The following SHB variants were observed in gnomAD, a reference collection of about 807,000 sequenced individuals.
SHB encodes the protein SH2 domain-containing adapter protein B.
In SHB, 20 loss-of-function variants were observed where a neutral mutation model predicts 52.3. That is an observed-to-expected ratio of 0.38 (90% CI 0.27 to 0.56). The LOEUF (loss-of-function observed/expected upper bound fraction) is 0.56, where lower values mean the gene tolerates loss of function less well. Among genes scored for constraint, SHB ranks in the 20% least tolerant of loss-of-function variants. The pLI is 0.71. For missense variants in SHB, 825 were observed against 723.3 expected, an observed-to-expected ratio of 1.14 and a Z score of -1.61; for synonymous variants, 397 against 316.5, an observed-to-expected ratio of 1.25 and a Z score of -2.70.
At chr9:37,981,248 G>A (rs765270736) in intron 2 of SHB, among the ~76,000 whole-genome samples, 2 of 152,188 alleles carry the variant, frequency 1.3e-5, no homozygotes, top group African/African-American at 2.4e-5. Context: ...CTTCATCGAT[G>A]ACCTCAGCTA....
chr9:37,938,812 G>T (rs995461851), intron 5 of SHB, among the ~76,000 whole-genome samples: 4 of 152,240 alleles, frequency 2.6e-5, no homozygotes, highest in African/African-American at 9.6e-5. Context: ...CTGCCGGGTT[G>T]GGGGGTGGTG....
chr9:38,014,864 A>T (rs887142198), intron 2 of SHB, among the ~76,000 whole-genome samples: 1 of 152,236 alleles, frequency 6.6e-6, no homozygotes, highest in Non-Finnish European at 1.5e-5. Flanking sequence ...GACGCTGGAC[A>T]TGGACCCGGC....
At chr9:37,973,535 TATC>T (rs1382841316) in intron 3 of SHB, among the ~76,000 whole-genome samples, 3 of 152,376 alleles carry the variant, frequency 2.0e-5, no homozygotes, top group South Asian at 2.1e-4. Flanking sequence ...CTGAATTTTT[TATC>T]ATAACTTTGG....
Position 38,067,950 on chromosome 9 carries a change from G to A in SHB, c.696C>T (p.Ser232=). The A allele has an allele frequency of 6.5e-7, 1 of 1,543,992 alleles. No individual in the cohort carries two copies. Among genetic ancestry groups the A allele is most frequent in the Non-Finnish European group, 8.7e-7 (1 of 1,155,416 alleles). ...NKCAASAAEE[S]GAGKKDKVTI... ...TTACCTTGTCCTTCTTGCCGGCCCC[G>A]CTCTCCTCCGCGGCTGAGGCGGCGC... The change falls in exon 1 of 6, where the codon AGC becomes AGT. Residue 232 remains serine (S), a synonymous_variant. Coordinates refer to ENST00000377707, the MANE Select transcript of SHB (RefSeq NM_003028.3).
intron 2 of SHB, among the ~76,000 whole-genome samples, chr9:37,996,675 CCTTT>C: frequency 6.6e-6 from 1 of 152,304 alleles, no homozygotes; most frequent in Non-Finnish European, 1.5e-5. Flanking sequence ...CCAGCAATGG[CCTTT>C]CTTTCAGCTC....
chr9:38,054,787 T>G (rs1821793922), intron 1 of SHB, among the ~76,000 whole-genome samples: 1 of 152,116 alleles, frequency 6.6e-6, no homozygotes, highest in African/African-American at 2.4e-5. Flanking sequence ...AACCAACGAG[T>G]TCCTGTGAAT....
At chr9:37,938,922 G>C (rs921905739) in intron 5 of SHB, among the ~76,000 whole-genome samples, 1 of 152,180 alleles carries the variant, frequency 6.6e-6, no homozygotes, top group Non-Finnish European at 1.5e-5. Flanking sequence ...GAGCTGCAGG[G>C]AGTCTGTTTT....
chr9:37,978,249 CA>C (rs1424002796), intron 2 of SHB, among the ~76,000 whole-genome samples: 2 of 152,226 alleles, frequency 1.3e-5, no homozygotes, highest in African/African-American at 4.8e-5. Context: ...AGGACTTGTG[CA>C]TACACCTCTC....
intron 2 of SHB, among the ~76,000 whole-genome samples, chr9:37,996,733 C>T (rs1361540160): frequency 6.6e-6 from 1 of 152,188 alleles, no homozygotes; most frequent in African/African-American, 2.4e-5. Flanking sequence ...CCTAGATCTC[C>T]CCTCCTTCTA....
intron 4 of SHB, among the ~76,000 whole-genome samples, chr9:37,955,170 A>G (rs1289117655): frequency 4.6e-5 from 7 of 152,234 alleles, no homozygotes; most frequent in Non-Finnish European, 4.4e-5. Flanking sequence ...GATTTAGTTT[A>G]TATTTAGTTT....
rs537904479 is a variant in SHB at position 37,931,057 on chromosome 9, T to C, written c.1347-11053A>G. Among the ~76,000 whole-genome samples, 14 of 152,076 alleles carry C rather than the reference T, an allele frequency of 9.2e-5. No homozygotes were observed. In the South Asian group the frequency reaches 1.5e-3, roughly 16 times the overall value. Reference sequence around the variant, plus strand: ...ATAAATGGTGCTAATAAACTAGATTTCCACATGCAAAAGAATGAAACTGGA... The same window carrying C: ...ATAAATGGTGCTAATAAACTAGATTCCCACATGCAAAAGAATGAAACTGGA... On this transcript the variant is annotated intron_variant, in intron 5 of 5. Transcript: ENST00000377707.
chr9:38,034,716 A>G (rs2118122965), intron 1 of SHB, among the ~76,000 whole-genome samples: 1 of 152,308 alleles, frequency 6.6e-6, no homozygotes, highest in South Asian at 2.1e-4. Flanking sequence ...TGTTTTATTG[A>G]GACGCAGTCT....
chr9:37,939,244 A>G (rs1323643239), intron 5 of SHB, among the ~76,000 whole-genome samples: 1 of 152,222 alleles, frequency 6.6e-6, no homozygotes, highest in African/African-American at 2.4e-5. Context: ...CTAGCACCTG[A>G]GTGCAAATGG....
chr9:37,996,139 G>T (rs1407336379), intron 2 of SHB, among the ~76,000 whole-genome samples: 2 of 152,212 alleles, frequency 1.3e-5, no homozygotes, highest in Admixed American at 6.5e-5. Flanking sequence ...CATTCTGTGT[G>T]CCCGTAGTCA....
chr9:37,963,620 G>T (rs1363766506), intron 3 of SHB, among the ~76,000 whole-genome samples: 2 of 152,208 alleles, frequency 1.3e-5, no homozygotes, highest in Non-Finnish European at 2.9e-5. Flanking sequence ...TGGGGTGTTG[G>T]TGAGGGGGAA....
chr9:37,984,090 ATCCATATACG>A (rs1264507292), intron 2 of SHB, among the ~76,000 whole-genome samples: 3 of 152,216 alleles, frequency 2.0e-5, no homozygotes, highest in Admixed American at 2.0e-4. Context: ...GATTAAATGA[ATCCATATACG>A]TCAAGTGTTT....
At chr9:37,955,329 T>C (rs1226483078) in intron 4 of SHB, among the ~76,000 whole-genome samples, 1 of 152,070 alleles carries the variant, frequency 6.6e-6, no homozygotes, top group Non-Finnish European at 1.5e-5. Context: ...GGCTAGAAGC[T>C]AGGAGGTATG....
At chr9:38,061,701 G>C (rs1217615717) in intron 1 of SHB, among the ~76,000 whole-genome samples, 1 of 152,212 alleles carries the variant, frequency 6.6e-6, no homozygotes, top group Non-Finnish European at 1.5e-5. Context: ...GTCATGTTCT[G>C]AGATTGTCAG....
chr9:38,010,110 G>A (rs116851977), intron 2 of SHB, among the ~76,000 whole-genome samples: 234 of 152,304 alleles, frequency 1.5e-3, no homozygotes, highest in Admixed American at 3.1e-3. Context: ...AGTTGTAAGC[G>A]AGGGCTCCAG....
Sources: gnomAD v4.1 joint callset for allele counts (sites outside exome capture counted in the v4.1 genomes callset) on GRCh38, gnomAD v4.1.1 for gene constraint, MANE v1.5 for transcripts, NCBI Gene and HGNC (gene_info 2026-07-23, HGNC 2026-07-21) for gene names.